Variants in SNX29 observed in about 807,000 individuals in gnomAD.
The protein encoded by SNX29 is sorting nexin-29.
In SNX29, 78 loss-of-function variants were observed where a neutral mutation model predicts 102.1. The ratio of observed to expected loss-of-function variants is 0.76; its 90% CI spans 0.64 to 0.92. SNX29 has a LOEUF of 0.92. Among genes scored for constraint, SNX29 ranks in the 40% least tolerant of loss-of-function variants. The pLI is 0.00. For missense variants in SNX29, 1,280 were observed against 1,061.7 expected (o/e 1.21, Z -2.86); for synonymous variants, 580 against 414.5 (o/e 1.40, Z -4.85).
At chr16:12,548,528 C>T (rs530450249) in intron 20 of SNX29, among the ~76,000 whole-genome samples, 6 of 152,180 alleles carry the variant, frequency 3.9e-5, no homozygotes, top group African/African-American at 1.2e-4. Flanking sequence ...TTTGAGGGTG[C>T]AGCCTTCTGG....
rs951597041 is a variant in SNX29 at position 12,568,787 on chromosome 16, A to C, written c.*158A>C. The C allele has an allele frequency of 3.4e-6, 4 of 1,186,528 alleles. No individual in the cohort carries two copies. The highest frequency in any genetic ancestry group is 3.1e-5 in the South Asian group (2 of 63,640). 73.5% of individuals were successfully genotyped at this position (1,186,528 alleles called of 1,614,324 possible). The stretch of plus-strand genomic sequence containing the variant: ...AGTTACACAACACCCCGATTAAACT[A>C]ATCAGTCTTCGAGCCGCATGATACC... On this transcript the variant is annotated 3_prime_UTR_variant, in exon 21 of 21. Transcript: ENST00000566228.
At chr16:12,551,299 C>G (rs1035807892) in intron 20 of SNX29, among the ~76,000 whole-genome samples, 1 of 152,142 alleles carries the variant, frequency 6.6e-6, no homozygotes, top group Non-Finnish European at 1.5e-5. Flanking sequence ...AGTTTGTCAG[C>G]CCACCAAAAA....
At chr16:12,048,688 C>T (rs1268379541) in intron 7 of SNX29, 68 bp downstream of exon 7, 2 of 1,612,778 alleles carry the variant, frequency 1.2e-6, no homozygotes, top group Admixed American at 3.3e-5. Context: ...GTGGACATAT[C>T]TTGTCATCTG....
intron 18 of SNX29, among the ~76,000 whole-genome samples, chr16:12,411,686 C>T (rs2084404225): frequency 6.6e-6 from 1 of 152,154 alleles, no homozygotes; most frequent in Non-Finnish European, 1.5e-5. Context: ...CTGACCGTCA[C>T]CAGTCTCACT....
chr16:12,478,363 C>T (rs770971295), intron 19 of SNX29, among the ~76,000 whole-genome samples: 1 of 152,192 alleles, frequency 6.6e-6, no homozygotes, highest in Non-Finnish European at 1.5e-5. Flanking sequence ...TTCACTTCAA[C>T]TTGTGACTGT....
intron 16 of SNX29, among the ~76,000 whole-genome samples, chr16:12,380,110 T>C (rs1440374054): frequency 6.8e-6 from 1 of 147,454 alleles, no homozygotes; most frequent in Non-Finnish European, 1.5e-5. Flanking sequence ...AATGGAATTA[T>C]CTGGAAGCTG....
intron 20 of SNX29, among the ~76,000 whole-genome samples, chr16:12,563,129 C>T (rs764171737): frequency 2.0e-5 from 3 of 152,142 alleles, no homozygotes; most frequent in African/African-American, 7.2e-5. Flanking sequence ...GGAAAGGTCG[C>T]CACACGTCCT....
chr16:12,232,865 C>T (rs1437838826), intron 14 of SNX29, among the ~76,000 whole-genome samples: 2 of 152,220 alleles, frequency 1.3e-5, no homozygotes, highest in Admixed American at 1.3e-4. Flanking sequence ...CACTATCAGC[C>T]TCAATGCTGA....
chr16:12,007,099 T>A (rs1429296065), intron 3 of SNX29, among the ~76,000 whole-genome samples: 1 of 152,220 alleles, frequency 6.6e-6, no homozygotes, highest in East Asian at 1.9e-4. Context: ...TCTACCTCAG[T>A]GGGATTCCTT....
At chr16:12,537,224 C>G (rs529195863) in intron 20 of SNX29, among the ~76,000 whole-genome samples, 5 of 152,306 alleles carry the variant, frequency 3.3e-5, no homozygotes, top group African/African-American at 9.6e-5. Context: ...GACCAGACTG[C>G]AAGGTGCCAG....
At chr16:12,542,992 G>C (rs2077411858) in intron 20 of SNX29, among the ~76,000 whole-genome samples, 1 of 152,146 alleles carries the variant, frequency 6.6e-6, no homozygotes. Context: ...TAACTATGAA[G>C]TCCAGGGACT....
intron 20 of SNX29, among the ~76,000 whole-genome samples, chr16:12,562,860 G>T (rs139512434): frequency 6.6e-6 from 1 of 152,014 alleles, no homozygotes; most frequent in Non-Finnish European, 1.5e-5. Flanking sequence ...GACAGCTCCC[G>T]GTCTGTGCTT....
At chr16:12,141,486 G>T (rs948415874) in intron 13 of SNX29, among the ~76,000 whole-genome samples, 20 of 152,234 alleles carry the variant, frequency 1.3e-4, no homozygotes, top group African/African-American at 4.8e-4. Flanking sequence ...CAAAAGAAGG[G>T]CTACTCCGCA....
chr16:12,563,638 A>C (rs920370897), intron 20 of SNX29, among the ~76,000 whole-genome samples: 1 of 152,136 alleles, frequency 6.6e-6, no homozygotes, highest in Non-Finnish European at 1.5e-5. Context: ...CTGGCCCCAG[A>C]AGGTAGGAAC....
chr16:12,404,595 C>G (rs1308230829), intron 18 of SNX29, among the ~76,000 whole-genome samples: 3 of 152,044 alleles, frequency 2.0e-5, no homozygotes, highest in African/African-American at 7.2e-5. Context: ...GATTTTGTTG[C>G]CATTTTTCTT....
chr16:12,535,209 G>T (rs187963764), intron 20 of SNX29, among the ~76,000 whole-genome samples: 1 of 152,212 alleles, frequency 6.6e-6, no homozygotes, highest in Non-Finnish European at 1.5e-5. Context: ...TGTGATTTCA[G>T]CTCACTGCAA....
chr16:12,224,171 A>G (rs550720884), intron 14 of SNX29, among the ~76,000 whole-genome samples: 3 of 152,208 alleles, frequency 2.0e-5, no homozygotes, highest in East Asian at 1.9e-4. Context: ...GTAGTAGGTT[A>G]TTGGGGCACC....
At chr16:12,562,303 G>A (rs532682745) in intron 20 of SNX29, among the ~76,000 whole-genome samples, 10 of 152,276 alleles carry the variant, frequency 6.6e-5, no homozygotes, top group South Asian at 2.1e-4. Context: ...AAACGTTATC[G>A]TTGGCTTTGT....
At chr16:12,191,983 G>A (rs371655043) in intron 13 of SNX29, among the ~76,000 whole-genome samples, 4 of 152,276 alleles carry the variant, frequency 2.6e-5, no homozygotes, top group African/African-American at 9.6e-5. Context: ...TACATCTAGG[G>A]AAAGTATAAT....
Sources: gnomAD v4.1 joint callset for allele counts (sites outside exome capture counted in the v4.1 genomes callset) on GRCh38, gnomAD v4.1.1 for gene constraint, MANE v1.5 for transcripts, NCBI Gene and HGNC (gene_info 2026-07-23, HGNC 2026-07-21) for gene names.